OR4K17: variants seen among roughly 807,000 people sequenced by gnomAD.
OR4K17 encodes olfactory receptor family 4 subfamily K member 17, also known as olfactory receptor 4K17.
For synonymous variants in OR4K17, 157 were observed against 132.8 expected, an observed-to-expected ratio of 1.18 and a Z score of -1.25; for missense variants, 480 against 366.3, an observed-to-expected ratio of 1.31 and a Z score of -2.53.
chr14:20,113,461 T>G (rs902589666), intron 1 of OR4K17, among the ~76,000 whole-genome samples: 1 of 152,028 alleles, frequency 6.6e-6, no homozygotes, highest in Admixed American at 6.6e-5. Flanking sequence ...AGCCAGTTAG[T>G]AGTAAGAATA....
At chr14:20,111,210 G>A (rs577626103) in intron 1 of OR4K17, among the ~76,000 whole-genome samples, 3 of 151,408 alleles carry the variant, frequency 2.0e-5, no homozygotes, top group Non-Finnish European at 4.4e-5. Flanking sequence ...AACTTTACCA[G>A]GTGTTAAGAT....
rs28685892 is a variant in OR4K17 at position 20,119,586 on chromosome 14, C to T, written c.*1148C>T. ...CCTCTGTTCGGGGTCCCTGACTTCC[C>T]GCAACAGAGCCAAGGCAGGTTGCCT... On this transcript the variant is annotated 3_prime_UTR_variant, in exon 2 of 2. Transcript: ENST00000641386. 2,438 of 152,588 alleles carry T rather than the reference C, an allele frequency of 0.016. 57 individuals are homozygous for T. Among genetic ancestry groups the T allele is most frequent in the African/African-American group, 0.049 (2,038 of 41,530 alleles). The allele number at this position is 152,588 out of a possible 1,614,324, so 9.5% of individuals were successfully genotyped here.
In OR4K17 at chr14:20,117,658, T is replaced by C; in HGVS notation, c.159T>C (p.Pro53=). The C allele has an allele frequency of 6.2e-7, 1 of 1,613,826 alleles. No homozygotes were observed. The highest frequency in any genetic ancestry group is 8.5e-7 in the Non-Finnish European group (1 of 1,179,736). ...LLIIVTVFNT[P]NLNTPMYFLL... is the part of the protein sequence containing the mutation. ...TTATAGTCACAGTGTTTAACACCCC[T>C]AACCTGAATACTCCCATGTATTTTC... Residue 53 remains proline, a synonymous_variant, in exon 2 of 2, where the codon CCT becomes CCC. Coordinates refer to ENST00000641386, the MANE Select transcript of OR4K17 (RefSeq NM_001004715.5).
chr14:20,115,509 T>G (rs1358451228), intron 1 of OR4K17, among the ~76,000 whole-genome samples: 1 of 152,094 alleles, frequency 6.6e-6, no homozygotes, highest in African/African-American at 2.4e-5. Flanking sequence ...TAATTTTCTA[T>G]AATCCAGAAA....
In OR4K17 at chr14:20,117,732, C is replaced by A. The variant is rs1878035655; in HGVS notation, c.233C>A (p.Thr78Asn). 1.9e-6 allele frequency: 3 copies of A among 1,613,870 alleles called. No homozygotes were observed. The African/African-American group carries it at 4.0e-5, about 22-fold the overall frequency. Residue 78 changes from threonine (T) to asparagine (N), a missense_variant, in exon 2 of 2, where the codon ACC (threonine) becomes AAC (asparagine). Coordinates refer to ENST00000641386, the MANE Select transcript of OR4K17 (RefSeq NM_001004715.5). The part of the protein sequence containing the change: ...FVDMTLASFA[T>N]PKVILNLLKK... ...GATATGACCCTTGCTTCTTTTGCCA[C>A]CCCTAAGGTGATTCTGAACTTGTTA...
chr14:20,120,917 C>A lies in OR4K17; in HGVS notation c.*2479C>A, dbSNP rs540454468. 3 of 152,382 alleles carry A rather than the reference C, an allele frequency of 2.0e-5. No homozygotes were observed. Among genetic ancestry groups the A allele is most frequent in the South Asian group, 2.1e-4 (1 of 4,826 alleles). The allele number at this position is 152,382 out of a possible 1,614,324, so 9.4% of individuals were successfully genotyped here. A position where few individuals can be genotyped will look rare whatever the true frequency, so the allele number is the denominator to read the frequency against. ...TAGCAGCCCTAGCCACCAAAGACCACAACAATTTTTGTCACCACTTCAAAC... is the reference window on the plus strand; with the variant it reads ...TAGCAGCCCTAGCCACCAAAGACCAAAACAATTTTTGTCACCACTTCAAAC... On this transcript the variant is annotated 3_prime_UTR_variant, in exon 2 of 2. Transcript: ENST00000641386.
chr14:20,117,311 A>G (rs1878015737), intron 1 of OR4K17, 157 bp from the exon 2 acceptor site: 2 of 825,836 alleles, frequency 2.4e-6, no homozygotes, highest in Admixed American at 2.7e-5. Context: ...AGCTCAGACT[A>G]TACGTCTCCT....
intron 1 of OR4K17, among the ~76,000 whole-genome samples, chr14:20,116,578 T>A (rs1594195221): frequency 1.3e-5 from 2 of 152,240 alleles, no homozygotes; most frequent in South Asian, 4.1e-4. Flanking sequence ...GGTATACAAT[T>A]TTATAAATAA....
Position 20,118,542 on chromosome 14 carries a change from G to C in OR4K17, c.*104G>C, listed in dbSNP as rs1394850329. 2 of 656,840 alleles carry C rather than the reference G, an allele frequency of 3.0e-6. No individual in the cohort carries two copies. Among genetic ancestry groups the C allele is most frequent in the Non-Finnish European group, 2.6e-6 (1 of 389,920 alleles). 40.7% of individuals were successfully genotyped at this position (656,840 alleles called of 1,614,324 possible). A position where few individuals can be genotyped will look rare whatever the true frequency, so the allele number is the denominator to read the frequency against. On this transcript the variant is annotated 3_prime_UTR_variant, in exon 2 of 2. Transcript: ENST00000641386. The stretch of plus-strand genomic sequence containing the variant: ...ACCAGCCCCCAATATTTCAACATAG[G>C]TTCTTTTCTATTTTCCCTAAGTGTT...
chr14:20,115,504 T>C (rs1000556812), intron 1 of OR4K17, among the ~76,000 whole-genome samples: 3 of 152,078 alleles, frequency 2.0e-5, no homozygotes, highest in African/African-American at 7.2e-5. Context: ...TCCTATAATT[T>C]TCTATAATCC....
chr14:20,117,764 C>A lies in OR4K17; in HGVS notation c.265C>A (p.Gln89Lys), dbSNP rs1238754996. Residue 89 changes from glutamine to lysine, a missense_variant, in exon 2 of 2, where the codon CAG becomes AAG. Transcript: ENST00000641386. ...PKVILNLLKKQKVISFAGCFT... is the reference protein window; with the variant it reads ...PKVILNLLKKKKVISFAGCFT... ...GGTGATTCTGAACTTGTTAAAAAAGCAGAAGGTAATTTCTTTTGCTGGGTG... is the reference window on the plus strand; with the variant it reads ...GGTGATTCTGAACTTGTTAAAAAAGAAGAAGGTAATTTCTTTTGCTGGGTG... The A allele has an allele frequency of 1.2e-6, 2 of 1,614,124 alleles. No homozygotes were observed. Among genetic ancestry groups the A allele is most frequent in the Admixed American group, 1.7e-5 (1 of 60,010 alleles).
At position 20,117,837 on chromosome 14, in the gene OR4K17, T is replaced by C; in HGVS notation, c.338T>C (p.Val113Ala). ...LLHLLGGVEMVLLVSMAFDRY... is the reference protein window; with the variant it reads ...LLHLLGGVEMALLVSMAFDRY... ...CACTTACTGGGTGGGGTTGAAATGG[T>C]ACTGTTGGTCTCCATGGCTTTTGAC... is the stretch of plus-strand genomic sequence containing the variant. Residue 113 changes from valine (V) to alanine (A), a missense_variant, in exon 2 of 2, where the codon GTA becomes GCA. By Grantham distance (64) the Val-to-Ala change is moderately conservative. Transcript: ENST00000641386. 3 of 1,614,154 alleles carry C rather than the reference T, an allele frequency of 1.9e-6. No homozygotes were observed. Among genetic ancestry groups the C allele is most frequent in the Non-Finnish European group, 2.5e-6 (3 of 1,180,030 alleles).
At chr14:20,116,080 C>A (rs143246325) in intron 1 of OR4K17, among the ~76,000 whole-genome samples, 2 of 152,018 alleles carry the variant, frequency 1.3e-5, no homozygotes, top group Non-Finnish European at 2.9e-5. Context: ...AGGGTTTGAA[C>A]GCAACCACTT....
rs1450059931 is a variant in OR4K17 at position 20,119,035 on chromosome 14, C to T, written c.*597C>T. On this transcript the variant is annotated 3_prime_UTR_variant, in exon 2 of 2. Coordinates refer to ENST00000641386, the MANE Select transcript of OR4K17 (RefSeq NM_001004715.5). Reference sequence around the variant, plus strand: ...TGTAAGACAGACATTGCCAGAGCGGCCATTTTAGAGACCTCCCCCTAGGAA... The same window carrying T: ...TGTAAGACAGACATTGCCAGAGCGGTCATTTTAGAGACCTCCCCCTAGGAA... 1 of 152,202 alleles carries T rather than the reference C, an allele frequency of 6.6e-6. No homozygotes were observed. The highest frequency in any genetic ancestry group is 1.9e-4 in the East Asian group (1 of 5,182). 9.4% of individuals were successfully genotyped at this position (152,202 alleles called of 1,614,324 possible).
At chr14:20,114,471 T>C (rs911330300) in intron 1 of OR4K17, among the ~76,000 whole-genome samples, 8 of 152,064 alleles carry the variant, frequency 5.3e-5, no homozygotes, top group African/African-American at 1.9e-4. Flanking sequence ...TTTTCTAGTA[T>C]GATTTGTTAA....
chr14:20,117,314 C>A (rs569627208), intron 1 of OR4K17, 154 bp from the exon 2 acceptor site: 3 of 839,866 alleles, frequency 3.6e-6, no homozygotes, highest in East Asian at 2.5e-5. Context: ...TCAGACTATA[C>A]GTCTCCTTTT....
intron 1 of OR4K17, among the ~76,000 whole-genome samples, chr14:20,116,233 A>G (rs1877988149): frequency 6.6e-6 from 1 of 152,104 alleles, no homozygotes; most frequent in African/African-American, 2.4e-5. Context: ...ATTGTAACTC[A>G]CAGAAGCACA....
In OR4K17 at chr14:20,122,191, C is replaced by T. The variant is rs989354022; in HGVS notation, c.*3753C>T. The T allele has an allele frequency of 1.3e-5, 2 of 151,860 alleles. No individual in the cohort carries two copies. The highest frequency in any genetic ancestry group is 3.9e-4 in the East Asian group (2 of 5,192). 9.4% of individuals were successfully genotyped at this position (151,860 alleles called of 1,614,324 possible). On this transcript the variant is annotated 3_prime_UTR_variant, in exon 2 of 2. Transcript: ENST00000641386. ...TGGCTAAATGAATAAAAAGATAAAA[C>T]CCAACTACATACTGCCTCCAAGAGA... is the stretch of plus-strand genomic sequence containing the variant.
At position 20,117,565 on chromosome 14, in the gene OR4K17, T is replaced by C. The variant is rs1158296805; in HGVS notation, c.66T>C (p.Asp22=). ...TGCTGGGACTGACCAGCTCCCAGGA[T>C]GTAGAGTTTCTTCTCTTTGCCCTCT... ...FILLGLTSSQ[D]VEFLLFALFS... The change falls in exon 2 of 2, where the codon GAT becomes GAC. Residue 22 remains aspartate (D), a synonymous_variant. Transcript: ENST00000641386. 1 of 1,614,000 alleles carries C rather than the reference T, an allele frequency of 6.2e-7. No individual in the cohort carries two copies. Among genetic ancestry groups the C allele is most frequent in the Non-Finnish European group, 8.5e-7 (1 of 1,179,974 alleles).
Sources: gnomAD v4.1 joint callset for allele counts (sites outside exome capture counted in the v4.1 genomes callset) on GRCh38, gnomAD v4.1.1 for gene constraint, MANE v1.5 for transcripts, NCBI Gene and HGNC (gene_info 2026-07-23, HGNC 2026-07-21) for gene names.